The following ANXA2 variants were observed in gnomAD, a reference collection of about 807,000 sequenced individuals.
ANXA2 encodes the protein annexin A2.
Under a neutral mutation model 47.3 loss-of-function variants are expected in ANXA2, and 28 were observed. The observed-to-expected ratio is 0.59, with a 90% CI of 0.44 to 0.81. The LOEUF is 0.81. Among genes scored for constraint, ANXA2 ranks in the 40% least tolerant of loss-of-function variants. The pLI, the probability that ANXA2 is intolerant of heterozygous loss-of-function variation, is 0.00. For synonymous variants in ANXA2, 172 were observed against 155.5 expected (o/e 1.11, Z -0.79); for missense variants, 384 against 414.3 (o/e 0.93, Z 0.64).
chr15:60,362,797 G>C (rs2062534935), intron 4 of ANXA2: 1 of 152,136 alleles, frequency 6.6e-6, no homozygotes, highest in Non-Finnish European at 1.5e-5. Context: ...GAGATCTTGG[G>C]ACCTCATCAT....
chr15:60,351,573 T>C (rs1896013493), intron 10 of ANXA2, 151 bp downstream of exon 10: 1 of 650,476 alleles, frequency 1.5e-6, no homozygotes. Context: ...CAGTTTTATA[T>C]TCTGAAATCT....
chr15:60,367,239 G>A (rs1266619787), intron 3 of ANXA2, among the ~76,000 whole-genome samples: 23 of 120,926 alleles, frequency 1.9e-4, no homozygotes, highest in African/African-American at 6.4e-4. Flanking sequence ...CCCCCCGCCC[G>A]GCCAGCCGCC....
At chr15:60,361,082 A>C (rs1243992797) in intron 4 of ANXA2, 28 bp from the exon 5 acceptor site, 1 of 1,463,724 alleles carries the variant, frequency 6.8e-7, no homozygotes, top group Non-Finnish European at 9.6e-7. Context: ...ATCATAAGGA[A>C]AATATTTATT....
At chr15:60,395,698 T>G (rs923438158) in intron 1 of ANXA2, 2 of 152,218 alleles carry the variant, frequency 1.3e-5, no homozygotes, top group Non-Finnish European at 2.9e-5. Context: ...TGCTAAATAT[T>G]GAGACTCCAG....
At chr15:60,397,272 T>G (rs899166280) in intron 1 of ANXA2, 5 of 985,330 alleles carry the variant, frequency 5.1e-6, no homozygotes, top group Non-Finnish European at 6.0e-6. Flanking sequence ...CTGAGGCCAA[T>G]GTGTTCAACC....
intron 1 of ANXA2, chr15:60,393,714 C>T (rs1020669902): frequency 1.0e-6 from 1 of 981,182 alleles, no homozygotes; most frequent in Non-Finnish European, 1.2e-6. Flanking sequence ...TTGCCCTGTG[C>T]TTCTGCAGCT....
chr15:60,349,736 GAGAGAGAAAGAA>G (rs1436237701), intron 11 of ANXA2, among the ~76,000 whole-genome samples: 2 of 146,108 alleles, frequency 1.4e-5, no homozygotes, highest in African/African-American at 2.6e-5. Context: ...GACAGAGAGA[GAGAGAGAAAGAA>G]AGAGAGAAAG....
intron 3 of ANXA2, among the ~76,000 whole-genome samples, chr15:60,367,302 T>C (rs2062636771): frequency 8.6e-6 from 1 of 115,686 alleles, no homozygotes; most frequent in African/African-American, 3.4e-5. Flanking sequence ...AGCCGCCCCG[T>C]CCGGGAGGTG....
chr15:60,368,320 A>T (rs954141123), intron 3 of ANXA2, among the ~76,000 whole-genome samples: 3 of 89,412 alleles, frequency 3.4e-5, no homozygotes, highest in Non-Finnish European at 7.5e-5. Flanking sequence ...AAAAAAAAAA[A>T]TAAAATAAAA....
intron 9 of ANXA2, 30 bp from the exon 10 acceptor site, chr15:60,351,849 T>C (rs749207144): frequency 6.9e-7 from 1 of 1,454,128 alleles, no homozygotes; most frequent in South Asian, 1.2e-5. Context: ...AGTTATCAGA[T>C]CCGAGCCACT....
intron 11 of ANXA2, among the ~76,000 whole-genome samples, chr15:60,349,752 GAGAA>G (rs1036294198): frequency 2.2e-5 from 3 of 138,420 alleles, no homozygotes; most frequent in South Asian, 2.3e-4. Context: ...GAAAGAAAGA[GAGAA>G]AGAAAGAAAA....
intron 9 of ANXA2, 88 bp from the exon 10 acceptor site, chr15:60,351,907 T>A: frequency 2.2e-6 from 2 of 928,448 alleles, no homozygotes; most frequent in Non-Finnish European, 3.4e-6. Flanking sequence ...CACCATAATT[T>A]TTTTAAAAAT....
At chr15:60,385,975 CAGAG>C (rs1291635843) in intron 2 of ANXA2, 49 bp downstream of exon 2, 1 of 1,220,314 alleles carries the variant, frequency 8.2e-7, no homozygotes, top group Non-Finnish European at 1.2e-6. Flanking sequence ...TATGGTTATC[CAGAG>C]AGATGTCCAA....
In ANXA2 at chr15:60,352,506, ACTACAC is replaced by A; in HGVS notation, c.589-36_589-31del. 6.7e-7 allele frequency: 1 copy of A among 1,499,140 alleles called. No individual in the cohort carries two copies. Among genetic ancestry groups the A allele is most frequent in the Non-Finnish European group, 9.3e-7 (1 of 1,080,172 alleles). The allele number at this position is 1,499,140 out of a possible 1,614,324, so 92.9% of individuals were successfully genotyped here. On this transcript the variant is annotated intron_variant, in intron 8 of 12. Coordinates refer to ENST00000451270, the MANE Select transcript of ANXA2 (RefSeq NM_004039.3). This position sits in a 1 kb window ranked among gnomAD's most constrained non-coding sequence, Gnocchi z 4.2. ...GAGTACAACCAACCAGGAAAAGTTA[ACTACAC>A]ATCCAATGTAACGTCAAAAAAAATG...
In ANXA2 at chr15:60,349,066, C is replaced by T. The variant is rs1014215216; in HGVS notation, c.960+9G>A. ...GGCAGGGCAGGCTGACACTGCACCT[C>T]GGGCTTACCTGGATATAATAGTACA... is the stretch of plus-strand genomic sequence containing the variant. On this transcript the variant is annotated intron_variant, in intron 12 of 12. Transcript: ENST00000451270. The T allele has an allele frequency of 5.0e-6, 8 of 1,613,756 alleles. No individual in the cohort carries two copies. Among genetic ancestry groups the T allele is most frequent in the Admixed American group, 3.3e-5 (2 of 59,996 alleles).
chr15:60,387,728 A>G (rs1002567251), intron 1 of ANXA2, among the ~76,000 whole-genome samples: 1 of 152,178 alleles, frequency 6.6e-6, no homozygotes, highest in Non-Finnish European at 1.5e-5. Flanking sequence ...TAAACGATGG[A>G]CTTTGAGTGG....
intron 3 of ANXA2, among the ~76,000 whole-genome samples, chr15:60,381,980 T>A (rs2062866223): frequency 7.9e-6 from 1 of 126,270 alleles, no homozygotes; most frequent in Non-Finnish European, 1.6e-5. Flanking sequence ...ATGCTGTACA[T>A]CTCTCCAAAG....
chr15:60,376,308 GGAGGC>G (rs374004529), intron 3 of ANXA2, among the ~76,000 whole-genome samples: 3 of 152,214 alleles, frequency 2.0e-5, no homozygotes, highest in African/African-American at 7.2e-5. Context: ...CTTGAACCCG[GGAGGC>G]GAGGTTGCAG....
chr15:60,380,804 CAAAAA>C (rs61570476), intron 3 of ANXA2, among the ~76,000 whole-genome samples: 1 of 61,194 alleles, frequency 1.6e-5, no homozygotes, highest in Admixed American at 2.1e-4. Flanking sequence ...AACTCCATCT[CAAAAA>C]AAAAAAAAAA....
Sources: allele counts gnomAD v4.1 joint callset (sites outside exome capture counted in the v4.1 genomes callset), GRCh38; gene constraint gnomAD v4.1.1; non-coding constraint Gnocchi (gnomAD v3.1); transcripts MANE v1.5; gene names NCBI Gene and HGNC (gene_info 2026-07-23, HGNC 2026-07-21).